PCDHA10: variants seen among roughly 807,000 people sequenced by gnomAD.
PCDHA10 encodes protocadherin alpha 10.
PCDHA10 carries 45 observed loss-of-function variants against 61.2 expected under a neutral mutation model. The observed-to-expected ratio is 0.74, with a 90% confidence interval of 0.58 to 0.94. The LOEUF (loss-of-function observed/expected upper bound fraction) is 0.94, where lower values mean the gene tolerates loss of function less well. PCDHA10 is among the 40% of genes least tolerant of loss of function. PCDHA10 has a pLI of 0.00. For missense variants in PCDHA10, 1,278 were observed against 1,236.2 expected (o/e 1.03, Z -0.51); for synonymous variants, 602 against 548.8 (o/e 1.10, Z -1.35).
intron 1 of PCDHA10, among the ~76,000 whole-genome samples, chr5:140,914,820 C>T (rs1277610128): frequency 6.6e-6 from 1 of 151,970 alleles, no homozygotes; most frequent in African/African-American, 2.4e-5. Flanking sequence ...TAACAGACTG[C>T]ATAAACAAAA....
intron 3 of PCDHA10, among the ~76,000 whole-genome samples, chr5:140,993,088 CTA>C (rs1420227988): frequency 6.6e-6 from 1 of 152,202 alleles, no homozygotes; most frequent in Non-Finnish European, 1.5e-5. Flanking sequence ...ATCAGCAGGG[CTA>C]TGTTTATTCA....
At chr5:140,889,113 G>C (rs1256051132) in intron 1 of PCDHA10, among the ~76,000 whole-genome samples, 1 of 151,370 alleles carries the variant, frequency 6.6e-6, no homozygotes, top group East Asian at 1.9e-4. Context: ...TTTATTCCAG[G>C]TGATACTGAT....
chr5:140,896,847 A>G (rs892276664), intron 1 of PCDHA10, among the ~76,000 whole-genome samples: 5 of 152,064 alleles, frequency 3.3e-5, no homozygotes, highest in African/African-American at 4.8e-5. Flanking sequence ...TTTTAATTTT[A>G]TGGGTACATA....
rs577022008 is a variant in PCDHA10, at chr5:140,921,827, C to T, written c.2389-57122C>T. Among the ~76,000 whole-genome samples, 6 of 151,924 alleles carry T rather than the reference C, an allele frequency of 3.9e-5. No homozygotes were observed. In the South Asian group the frequency reaches 1.2e-3, roughly 32 times the overall value. On this transcript the variant is annotated intron_variant, in intron 1 of 3. Coordinates refer to ENST00000307360, the MANE Select transcript of PCDHA10 (RefSeq NM_018901.4). Reference sequence around the variant, plus strand: ...TAAGATACATGTGTGAATATCTATACACATATAGACATATTTATAGATGTG... The same window carrying T: ...TAAGATACATGTGTGAATATCTATATACATATAGACATATTTATAGATGTG...
At chr5:140,945,673 A>G (rs192775886) in intron 1 of PCDHA10, among the ~76,000 whole-genome samples, 137 of 152,272 alleles carry the variant, frequency 9.0e-4, no homozygotes, top group Middle Eastern at 3.4e-3. Context: ...CCAGAAATAA[A>G]TCCACACAGT....
In PCDHA10 at chr5:140,857,178, A is replaced by T. The variant is rs782349051; in HGVS notation, c.1130A>T (p.Asp377Val). The part of the protein sequence containing the change: ...VIALISVSDH[D>V]SGANGQVTCS... ...GCCCTAATCAGCGTTTCTGACCATG[A>T]TTCAGGAGCCAACGGACAGGTCACC... Residue 377 changes from aspartate (D) to valine (V), a missense_variant, in exon 1 of 4, where the codon GAT (aspartate) becomes GTT (valine). Transcript: ENST00000307360. 2 of 1,598,472 alleles carry T rather than the reference A, an allele frequency of 1.3e-6. No homozygotes were observed. The highest frequency in any genetic ancestry group is 2.7e-5 in the African/African-American group (2 of 74,410).
chr5:140,926,373 G>A (rs1040164585), intron 1 of PCDHA10: 3 of 152,370 alleles, frequency 2.0e-5, no homozygotes, highest in African/African-American at 4.8e-5. Context: ...GGCAGGAAGA[G>A]CCCAGCTGGG....
chr5:140,858,235 A>C lies in PCDHA10; in HGVS notation c.2187A>C (p.Ala729=). The C allele has an allele frequency of 1.3e-6, 2 of 1,596,218 alleles. No individual in the cohort carries two copies. Among genetic ancestry groups the C allele is most frequent in the Non-Finnish European group, 1.7e-6 (2 of 1,166,074 alleles). ...GCTCGGCGGCGCCCACCGAGGGCGC[A>C]TGTGGGCCGGTGAAGCCCACGCTGG... ...LRCSAAPTEG[A]CGPVKPTLVC... is the part of the protein sequence containing the mutation. Residue 729 remains alanine, a synonymous_variant, in exon 1 of 4, where the codon GCA becomes GCC. Transcript: ENST00000307360.
chr5:141,000,387 C>CTA (rs2097910380), intron 3 of PCDHA10, among the ~76,000 whole-genome samples: 5 of 66,898 alleles, frequency 7.5e-5, no homozygotes, highest in Non-Finnish European at 1.1e-4. Context: ...CTCTCTCTCT[C>CTA]TCTCTCTCTA....
At chr5:140,894,066 A>G (rs997633914) in intron 1 of PCDHA10, among the ~76,000 whole-genome samples, 1 of 152,204 alleles carries the variant, frequency 6.6e-6, no homozygotes, top group Admixed American at 6.5e-5. Context: ...ATTTTTAAAT[A>G]CATTTATTTT....
At chr5:140,879,229 T>C (rs1415984062) in intron 1 of PCDHA10, among the ~76,000 whole-genome samples, 2 of 152,102 alleles carry the variant, frequency 1.3e-5, no homozygotes, top group African/African-American at 2.4e-5. Context: ...AAAAGACATA[T>C]ACAAGAGGCA....
intron 1 of PCDHA10, chr5:140,877,085 G>T: frequency 6.2e-7 from 1 of 1,613,214 alleles, no homozygotes; most frequent in Non-Finnish European, 8.5e-7. Context: ...GTGAGCGCGC[G>T]CGACGCCGGC....
At chr5:140,996,622 G>C (rs2097735162) in intron 3 of PCDHA10, among the ~76,000 whole-genome samples, 1 of 152,156 alleles carries the variant, frequency 6.6e-6, no homozygotes, top group African/African-American at 2.4e-5. Context: ...AATTTCACTG[G>C]TTCCTGCAAA....
At chr5:140,907,590 C>A (rs924020141) in intron 1 of PCDHA10, among the ~76,000 whole-genome samples, 11 of 152,210 alleles carry the variant, frequency 7.2e-5, no homozygotes, top group Non-Finnish European at 1.6e-4. Flanking sequence ...TGGCTGATCA[C>A]CCTGAGGAAT....
chr5:141,009,019 C>G (rs1160022658), intron 3 of PCDHA10, among the ~76,000 whole-genome samples: 2 of 152,232 alleles, frequency 1.3e-5, no homozygotes, highest in African/African-American at 4.8e-5. Flanking sequence ...CCTTTAGGCT[C>G]TGTATTTCCC....
At chr5:140,885,543 G>A (rs1554182177) in intron 1 of PCDHA10, among the ~76,000 whole-genome samples, 2 of 152,092 alleles carry the variant, frequency 1.3e-5, no homozygotes, top group Non-Finnish European at 2.9e-5. Flanking sequence ...CAAAATATTG[G>A]TGTTATTTCT....
At chr5:140,863,377 G>T (rs782482597) in intron 1 of PCDHA10, 6 of 1,100,624 alleles carry the variant, frequency 5.5e-6, no homozygotes, top group Non-Finnish European at 7.9e-6. Context: ...GCAGCTCACC[G>T]AGAGCTCGTG....
chr5:140,886,368 C>A (rs1174734883), intron 1 of PCDHA10, among the ~76,000 whole-genome samples: 1 of 152,040 alleles, frequency 6.6e-6, no homozygotes, highest in Non-Finnish European at 1.5e-5. Flanking sequence ...GGTGTACATG[C>A]CATGGTGTGC....
At chr5:140,967,291 C>T (rs782682819) in intron 1 of PCDHA10, 11 of 1,612,754 alleles carry the variant, frequency 6.8e-6, no homozygotes, top group South Asian at 1.1e-5. Context: ...CGCAGGACCC[C>T]GACGTGGGCG....
Sources: gnomAD v4.1 joint callset for allele counts (sites outside exome capture counted in the v4.1 genomes callset) on GRCh38, gnomAD v4.1.1 for gene constraint, MANE v1.5 for transcripts, NCBI Gene and HGNC (gene_info 2026-07-23, HGNC 2026-07-21) for gene names.